Variants in RBP7 observed in about 807,000 individuals in gnomAD.
RBP7 encodes the protein retinoid-binding protein 7.
RBP7 carries 13 observed loss-of-function variants against 16.7 expected under a neutral mutation model. The ratio of observed to expected loss-of-function variants is 0.78; its 90% CI spans 0.51 to 1.24. RBP7 has a LOEUF of 1.24. Among genes scored for constraint, RBP7 ranks in the 50% most tolerant of loss-of-function variants. RBP7 has a pLI of 0.00. For missense variants in RBP7, 145 were observed against 159.5 expected, an observed-to-expected ratio of 0.91 and a Z score of 0.49; for synonymous variants, 54 against 56.2, an observed-to-expected ratio of 0.96 and a Z score of 0.17.
At chr1:10,004,525 G>A (rs982528008) in intron 1 of RBP7, among the ~76,000 whole-genome samples, 82 of 149,538 alleles carry the variant, frequency 5.5e-4, no homozygotes, top group Non-Finnish European at 9.0e-4. Context: ...ACAGGCATGC[G>A]CCACCATGCC....
intron 3 of RBP7, among the ~76,000 whole-genome samples, chr1:10,013,710 T>C (rs1168982761): frequency 6.6e-6 from 1 of 152,042 alleles, no homozygotes; most frequent in Admixed American, 6.6e-5. Flanking sequence ...CTCAGGAGGC[T>C]GAGGCAGGAT....
intron 1 of RBP7, among the ~76,000 whole-genome samples, chr1:10,005,217 ATTTG>A (rs1642408962): frequency 6.6e-6 from 1 of 151,782 alleles, no homozygotes; most frequent in South Asian, 2.1e-4. Flanking sequence ...TTGTTTGTTC[ATTTG>A]TTTGTTTTTG....
rs1642478907 is a variant in RBP7 at position 10,007,457 on chromosome 1, AGTC to A, written c.74-110_74-108del. 3 of 789,368 alleles carry A rather than the reference AGTC, an allele frequency of 3.8e-6. No individual in the cohort carries two copies. The East Asian group carries it at 8.1e-5, about 21-fold the overall frequency. The allele number at this position is 789,368 out of a possible 1,614,324, so 48.9% of individuals were successfully genotyped here. A position where few individuals can be genotyped will look rare whatever the true frequency, so the allele number is the denominator to read the frequency against. ...TGATTTTGGCAGCAAACAACATAGA[AGTC>A]GTACAGGAAATGCTAACAATTACAT... On this transcript the variant is annotated intron_variant, in intron 1 of 3. Coordinates refer to ENST00000294435, the MANE Select transcript of RBP7 (RefSeq NM_052960.3).
At chr1:10,009,818 G>A (rs567517814) in intron 3 of RBP7, among the ~76,000 whole-genome samples, 9 of 151,980 alleles carry the variant, frequency 5.9e-5, no homozygotes, top group East Asian at 1.9e-4. Flanking sequence ...AGGCGTGGCC[G>A]CTTGTAATAA....
chr1:9,999,298 G>A (rs1315264049), intron 1 of RBP7, among the ~76,000 whole-genome samples: 1 of 152,040 alleles, frequency 6.6e-6, no homozygotes, highest in African/African-American at 2.4e-5. Flanking sequence ...TGTAATCCCA[G>A]CACTTTGGGA....
chr1:10,012,423 T>C (rs1351396034), intron 3 of RBP7, among the ~76,000 whole-genome samples: 2 of 151,606 alleles, frequency 1.3e-5, no homozygotes, highest in African/African-American at 2.4e-5. Flanking sequence ...CGCAAATACG[T>C]AATATGGAAT....
intron 1 of RBP7, among the ~76,000 whole-genome samples, chr1:10,003,163 A>G (rs967062071): frequency 2.0e-5 from 3 of 152,154 alleles, no homozygotes; most frequent in Non-Finnish European, 4.4e-5. Flanking sequence ...ATGGTGGCTC[A>G]CGCCTGTAAT....
intron 3 of RBP7, among the ~76,000 whole-genome samples, chr1:10,011,815 G>C (rs1642625537): frequency 6.6e-6 from 1 of 152,168 alleles, no homozygotes; most frequent in South Asian, 2.1e-4. Flanking sequence ...CCAGCACTTT[G>C]GGAAGCTGAG....
intron 2 of RBP7, 104 bp from the exon 3 acceptor site, chr1:10,008,069 C>T (rs1642497424): frequency 2.9e-6 from 2 of 685,982 alleles, no homozygotes; most frequent in South Asian, 1.8e-5. Context: ...AAAAAAAAAG[C>T]AGTAAGTAGG....
At chr1:10,001,407 G>T (rs1350190401) in intron 1 of RBP7, among the ~76,000 whole-genome samples, 2 of 152,146 alleles carry the variant, frequency 1.3e-5, no homozygotes, top group Non-Finnish European at 2.9e-5. Context: ...CTGGGCTCAG[G>T]CGATCCTCCC....
chr1:10,014,986 G>C (rs1438775696), intron 3 of RBP7, among the ~76,000 whole-genome samples: 1 of 152,178 alleles, frequency 6.6e-6, no homozygotes, highest in Non-Finnish European at 1.5e-5. Flanking sequence ...AGTTGGAGAA[G>C]TGGGACTGGA....
chr1:10,015,210 G>A (rs1195371921), intron 3 of RBP7, among the ~76,000 whole-genome samples: 2 of 152,046 alleles, frequency 1.3e-5, no homozygotes, highest in Admixed American at 6.6e-5. Context: ...GGGAGGCTGA[G>A]GCGGGCAGAT....
intron 3 of RBP7, among the ~76,000 whole-genome samples, chr1:10,009,288 T>A (rs927065702): frequency 4.6e-5 from 7 of 152,066 alleles, no homozygotes; most frequent in African/African-American, 1.7e-4. Context: ...CACATGTCTG[T>A]AATCCCAGCT....
intron 3 of RBP7, among the ~76,000 whole-genome samples, chr1:10,014,856 G>A (rs1642735526): frequency 6.6e-6 from 1 of 152,152 alleles, no homozygotes; most frequent in African/African-American, 2.4e-5. Context: ...TTTGCGACAG[G>A]TGTCTGAAGC....
chr1:10,012,156 A>G (rs1053645678), intron 3 of RBP7, among the ~76,000 whole-genome samples: 2 of 149,158 alleles, frequency 1.3e-5, no homozygotes, highest in African/African-American at 4.9e-5. Flanking sequence ...GGTTACGGTG[A>G]GCCGAGATTG....
rs943533504 is a variant in RBP7 at position 10,011,693 on chromosome 1, T to C, written c.354+3419T>C. Among the ~76,000 whole-genome samples the C allele has an allele frequency of 8.7e-4, 133 of 152,200 alleles. 1 individual carries two copies. The highest frequency in any genetic ancestry group is 2.9e-3 in the African/African-American group (119 of 41,538). On this transcript the variant is annotated intron_variant, in intron 3 of 3. Transcript: ENST00000294435. ...CTTAAAGTTGGGTCTGGGTAGTCTT[T>C]GAATACCAAGGCCTTGAAGATATTT...
intron 3 of RBP7, among the ~76,000 whole-genome samples, chr1:10,010,411 T>C (rs542728227): frequency 6.6e-6 from 1 of 150,516 alleles, no homozygotes. Flanking sequence ...CCACTGTGCC[T>C]GGCCTGTTTT....
chr1:10,003,861 T>G (rs1642344901), intron 1 of RBP7, among the ~76,000 whole-genome samples: 1 of 152,062 alleles, frequency 6.6e-6, no homozygotes, highest in Non-Finnish European at 1.5e-5. Flanking sequence ...GTTCAAGAGA[T>G]TCTCCTGCCT....
intron 1 of RBP7, chr1:10,004,065 ATTTTT>A (rs56955055): frequency 2.5e-4 from 21 of 83,216 alleles, no homozygotes; most frequent in East Asian, 6.9e-4. Context: ...CTGCCTCACA[ATTTTT>A]TTTTTTTTTT....
Sources: allele counts gnomAD v4.1 joint callset (sites outside exome capture counted in the v4.1 genomes callset), GRCh38; gene constraint gnomAD v4.1.1; transcripts MANE v1.5; gene names NCBI Gene and HGNC (gene_info 2026-07-23, HGNC 2026-07-21).